Variants in FRAS1 observed in about 807,000 individuals in gnomAD.
FRAS1 encodes Fraser extracellular matrix complex subunit 1.
FRAS1 carries 290 observed loss-of-function variants against 435.2 expected under a neutral mutation model. That is an observed-to-expected ratio of 0.67 (90% CI 0.61 to 0.73). The LOEUF is 0.73. FRAS1 is among the 30% of genes least tolerant of loss of function. FRAS1 has a pLI of 0.00. For synonymous variants in FRAS1, 1,800 were observed against 1,851.0 expected, an observed-to-expected ratio of 0.97 and a Z score of 0.71; for missense variants, 4,860 against 5,001.5, an observed-to-expected ratio of 0.97 and a Z score of 0.85.
chr4:78,269,477 G>T (rs571646307), intron 9 of FRAS1, among the ~76,000 whole-genome samples: 4 of 152,162 alleles, frequency 2.6e-5, no homozygotes, highest in Admixed American at 2.6e-4. Context: ...AAGTGTAAGT[G>T]CAATGCACAT....
chr4:78,088,259 C>T (rs1741307539), intron 2 of FRAS1, among the ~76,000 whole-genome samples: 1 of 152,114 alleles, frequency 6.6e-6, no homozygotes, highest in Non-Finnish European at 1.5e-5. Flanking sequence ...CTTCCTTACA[C>T]CTTATACAAA....
At chr4:78,488,794 G>A in intron 58 of FRAS1, 81 bp from the exon 59 acceptor site, 1 of 1,326,862 alleles carries the variant, frequency 7.5e-7, no homozygotes, top group Non-Finnish European at 1.0e-6. Flanking sequence ...CAAAATAGCT[G>A]CTGAAGGCTG....
chr4:78,302,011 C>G (rs1393079133), intron 14 of FRAS1, among the ~76,000 whole-genome samples: 3 of 152,052 alleles, frequency 2.0e-5, no homozygotes, highest in South Asian at 4.2e-4. Flanking sequence ...CCACTCCCCC[C>G]ACCCCACAAC....
chr4:78,409,739 G>A (rs994784166), intron 31 of FRAS1, among the ~76,000 whole-genome samples: 25 of 152,280 alleles, frequency 1.6e-4, no homozygotes, highest in African/African-American at 5.5e-4. Context: ...AAATATCTAT[G>A]TTTATGGGGA....
chr4:78,074,519 C>T (rs1014061875), intron 2 of FRAS1, among the ~76,000 whole-genome samples: 1 of 151,926 alleles, frequency 6.6e-6, no homozygotes, highest in African/African-American at 2.4e-5. Flanking sequence ...TGGAGAATAC[C>T]AAGATTAATA....
chr4:78,126,145 G>C (rs1452396770), intron 2 of FRAS1, among the ~76,000 whole-genome samples: 2 of 152,186 alleles, frequency 1.3e-5, no homozygotes, highest in Non-Finnish European at 2.9e-5. Context: ...AGCATCCCAG[G>C]TTGATCTCAG....
chr4:78,070,736 T>C (rs966580250), intron 2 of FRAS1: 7 of 152,234 alleles, frequency 4.6e-5, no homozygotes, highest in South Asian at 2.1e-4. Context: ...TTTCCAACTA[T>C]ATCAAGTATT....
chr4:78,509,027 C>G, intron 63 of FRAS1, 21 bp downstream of exon 63: 2 of 1,613,116 alleles, frequency 1.2e-6, no homozygotes, highest in Non-Finnish European at 1.7e-6. Context: ...GGGTCTGGGC[C>G]TGGTTCTCCC....
At chr4:78,521,479 G>A in intron 67 of FRAS1, 44 bp from the exon 68 acceptor site, 1 of 1,415,726 alleles carries the variant, frequency 7.1e-7, no homozygotes, top group South Asian at 1.2e-5. Context: ...TGTCAGGGAG[G>A]AATTTTCCAT....
At chr4:78,299,742 G>A (rs544672276) in intron 14 of FRAS1, among the ~76,000 whole-genome samples, 4 of 152,278 alleles carry the variant, frequency 2.6e-5, no homozygotes, top group East Asian at 1.9e-4. Flanking sequence ...TCCAAGGTCC[G>A]TACTCTGGCC....
At position 78,499,987 on chromosome 4, in the gene FRAS1, A is replaced by C. The variant is rs1481685251; in HGVS notation, c.9316+66A>C. The stretch of plus-strand genomic sequence containing the variant: ...AGAGGGGCAAAAATCTTGTATTTGA[A>C]GAAAGGAATAAACAGATAAATGAAA... On this transcript the variant is annotated intron_variant, in intron 61 of 73. Coordinates refer to ENST00000512123, the MANE Select transcript of FRAS1 (RefSeq NM_025074.7). The C allele has an allele frequency of 3.1e-6, 4 of 1,283,884 alleles. No individual in the cohort carries two copies. In the Admixed American group the frequency reaches 9.7e-5, roughly 31 times the overall value. 79.5% of individuals were successfully genotyped at this position (1,283,884 alleles called of 1,614,324 possible). A position where few individuals can be genotyped will look rare whatever the true frequency, so the allele number is the denominator to read the frequency against.
At chr4:78,495,812 C>G (rs1720493662) in intron 59 of FRAS1, among the ~76,000 whole-genome samples, 1 of 151,998 alleles carries the variant, frequency 6.6e-6, no homozygotes, top group Admixed American at 6.6e-5. Flanking sequence ...TTGTCATTCA[C>G]TAACATTTTT....
chr4:78,434,787 G>A (rs1180449705), intron 38 of FRAS1, among the ~76,000 whole-genome samples: 6 of 152,046 alleles, frequency 3.9e-5, no homozygotes, highest in Non-Finnish European at 7.4e-5. Flanking sequence ...TACCATAATA[G>A]CATTAAGAAA....
rs1041663324 is a variant in FRAS1 at position 78,097,729 on chromosome 4, A to G, written c.108+31713A>G. 4.6e-5 allele frequency among the ~76,000 whole-genome samples: 7 copies of G among 152,292 alleles called. No homozygotes were observed. The East Asian group carries it at 5.8e-4, about 13-fold the overall frequency. ...CTCCACTGGGTGCCTCCCACAACAC[A>G]TGGGAATTCTGGGAGCTACAAGATG... On this transcript the variant is annotated intron_variant, in intron 2 of 73. Coordinates refer to ENST00000512123, the MANE Select transcript of FRAS1 (RefSeq NM_025074.7).
At chr4:78,412,518 G>A (rs1733382138) in intron 31 of FRAS1, among the ~76,000 whole-genome samples, 1 of 151,998 alleles carries the variant, frequency 6.6e-6, no homozygotes, top group Admixed American at 6.5e-5. Flanking sequence ...TGAAAGAAAT[G>A]GAATACAAAT....
At chr4:78,445,154 G>A (rs562949217) in intron 41 of FRAS1, among the ~76,000 whole-genome samples, 1 of 152,318 alleles carries the variant, frequency 6.6e-6, no homozygotes, top group African/African-American at 2.4e-5. Flanking sequence ...GGAGCTTAAG[G>A]TAGAATCTCT....
intron 18 of FRAS1, among the ~76,000 whole-genome samples, chr4:78,331,541 T>A (rs1729950629): frequency 6.6e-6 from 1 of 152,118 alleles, no homozygotes; most frequent in African/African-American, 2.4e-5. Context: ...ATTAGCTCCA[T>A]ATATATATTA....
intron 3 of FRAS1, among the ~76,000 whole-genome samples, chr4:78,240,475 T>A (rs1368667753): frequency 6.6e-6 from 1 of 152,144 alleles, no homozygotes; most frequent in African/African-American, 2.4e-5. Flanking sequence ...GCTTAATGAC[T>A]AGTTGGTTAG....
intron 2 of FRAS1, among the ~76,000 whole-genome samples, chr4:78,205,484 G>A (rs764181371): frequency 6.6e-6 from 1 of 152,138 alleles, no homozygotes; most frequent in Non-Finnish European, 1.5e-5. Flanking sequence ...ATGAGCAACT[G>A]CGTCCAGCCT....
Sources: allele counts gnomAD v4.1 joint callset (sites outside exome capture counted in the v4.1 genomes callset), GRCh38; gene constraint gnomAD v4.1.1; transcripts MANE v1.5; gene names NCBI Gene and HGNC (gene_info 2026-07-23, HGNC 2026-07-21).